Variants in IQSEC1 observed in about 807,000 individuals in gnomAD.
IQSEC1 encodes IQ motif and SEC7 domain-containing protein 1.
IQSEC1 carries 31 observed loss-of-function variants against 91.0 expected under a neutral mutation model. The ratio of observed to expected loss-of-function variants is 0.34; its 90% CI spans 0.26 to 0.46. The LOEUF (loss-of-function observed/expected upper bound fraction) is 0.46. IQSEC1 is among the 20% of genes least tolerant of loss of function. The probability of loss-of-function intolerance (pLI) is 1.00; values close to 1 mark genes in which losing one functional copy is unlikely to be tolerated. For missense variants in IQSEC1, 1,388 were observed against 1,575.6 expected, an observed-to-expected ratio of 0.88 and a Z score of 2.02; for synonymous variants, 699 against 662.6, an observed-to-expected ratio of 1.05 and a Z score of -0.84.
Position 13,214,925 on chromosome 3 carries a change from T to G in IQSEC1, c.273-50792A>C, listed in dbSNP as rs17037899. Among the ~76,000 whole-genome samples, 5,520 of 152,216 alleles carry G rather than the reference T, an allele frequency of 0.036. 166 individuals carry two copies. The highest frequency in any genetic ancestry group is 0.13 in the East Asian group (675 of 5,174). On this transcript the variant is annotated intron_variant, in intron 1 of 15. Transcript: ENST00000648114. This position sits in a 1 kb window ranked among gnomAD's most constrained non-coding sequence, Gnocchi z 4.5. ...ATGAACAGGCACCCGAGTGAACGGA[T>G]GAGTGGAATTTACTGCACCCATAAG...
chr3:13,134,653 T>C (rs1327879713), intron 2 of IQSEC1, among the ~76,000 whole-genome samples: 1 of 151,966 alleles, frequency 6.6e-6, no homozygotes, highest in Non-Finnish European at 1.5e-5. Context: ...GCCCTAGAGG[T>C]GTGTTGCATG....
At chr3:13,120,777 G>A (rs1203047532) in intron 2 of IQSEC1, among the ~76,000 whole-genome samples, 1 of 152,168 alleles carries the variant, frequency 6.6e-6, no homozygotes, top group Non-Finnish European at 1.5e-5. Context: ...CACAGCCTAG[G>A]CATCCTTCAC....
chr3:12,968,292 C>A (rs1383214694), intron 1 of IQSEC1, among the ~76,000 whole-genome samples: 3 of 152,178 alleles, frequency 2.0e-5, no homozygotes, highest in Non-Finnish European at 4.4e-5. Flanking sequence ...TGGTACCACC[C>A]TTTTGGCGGC....
intron 1 of IQSEC1, among the ~76,000 whole-genome samples, chr3:13,045,111 C>T (rs1576209753): frequency 6.6e-6 from 1 of 152,236 alleles, no homozygotes; most frequent in East Asian, 1.9e-4. Flanking sequence ...TGCCTCCTGG[C>T]CACTCCTCCA....
intron 1 of IQSEC1, among the ~76,000 whole-genome samples, chr3:13,202,123 T>C (rs1316154967): frequency 6.6e-6 from 1 of 152,198 alleles, no homozygotes; most frequent in Non-Finnish European, 1.5e-5. Flanking sequence ...TCAGACCCAT[T>C]AGGATGGCTC....
At chr3:13,175,959 T>C (rs1342663402) in intron 1 of IQSEC1, among the ~76,000 whole-genome samples, 1 of 152,218 alleles carries the variant, frequency 6.6e-6, no homozygotes, top group East Asian at 1.9e-4. Context: ...TTACGAATGC[T>C]GGGGGCACAC....
At chr3:13,011,367 C>T (rs1251902480) in intron 1 of IQSEC1, among the ~76,000 whole-genome samples, 2 of 152,226 alleles carry the variant, frequency 1.3e-5, no homozygotes, top group Admixed American at 1.3e-4. Context: ...TCATCACTGA[C>T]ACTCACTGAG....
chr3:13,022,086 G>A (rs1703425251), intron 1 of IQSEC1: 1 of 1,231,848 alleles, frequency 8.1e-7, no homozygotes, highest in Non-Finnish European at 1.0e-6. Flanking sequence ...ACACGGCACT[G>A]CCATACCCCT....
chr3:13,246,642 G>A (rs1307236351), intron 1 of IQSEC1, among the ~76,000 whole-genome samples: 4 of 152,304 alleles, frequency 2.6e-5, no homozygotes, highest in South Asian at 2.1e-4. Flanking sequence ...GTGCTCCAGC[G>A]TCTGAGCTAC....
At chr3:13,025,777 G>C (rs1170794896) in intron 1 of IQSEC1, among the ~76,000 whole-genome samples, 1 of 152,190 alleles carries the variant, frequency 6.6e-6, no homozygotes, top group African/African-American at 2.4e-5. Flanking sequence ...CTCACTGGGG[G>C]TCCGTGCAGC....
At chr3:13,264,105 C>T (rs920158687) in intron 1 of IQSEC1, among the ~76,000 whole-genome samples, 2 of 152,184 alleles carry the variant, frequency 1.3e-5, no homozygotes, top group South Asian at 2.1e-4. Flanking sequence ...AGCCGGACGG[C>T]GCCGGCCAGG....
chr3:13,097,061 C>T (rs943597831), intron 2 of IQSEC1, among the ~76,000 whole-genome samples: 2 of 152,068 alleles, frequency 1.3e-5, no homozygotes, highest in East Asian at 1.9e-4. Context: ...GGGGTTTCAC[C>T]GTGTTAGCCA....
intron 2 of IQSEC1, among the ~76,000 whole-genome samples, chr3:13,102,912 G>A (rs565078544): frequency 3.3e-5 from 5 of 152,168 alleles, no homozygotes; most frequent in Non-Finnish European, 5.9e-5. Context: ...CTGGGAGGTC[G>A]GAAGTTTCCA....
intron 2 of IQSEC1, among the ~76,000 whole-genome samples, chr3:13,133,883 C>T (rs555451043): frequency 6.6e-6 from 1 of 152,234 alleles, no homozygotes; most frequent in South Asian, 2.1e-4. Flanking sequence ...CTATCTTCCC[C>T]ACCACCGGGC....
chr3:12,959,542 G>T (rs1475009885), intron 1 of IQSEC1, among the ~76,000 whole-genome samples: 1 of 152,140 alleles, frequency 6.6e-6, no homozygotes, highest in African/African-American at 2.4e-5. Context: ...ATCCCAAATG[G>T]GTCAGACACC....
chr3:13,034,977 C>T (rs1703982260), intron 1 of IQSEC1, among the ~76,000 whole-genome samples: 1 of 152,254 alleles, frequency 6.6e-6, no homozygotes, highest in Non-Finnish European at 1.5e-5. Flanking sequence ...GAAGCCTGTG[C>T]CCCATGGAAG....
chr3:13,016,721 G>A (rs1461368159), intron 1 of IQSEC1, among the ~76,000 whole-genome samples: 2 of 152,180 alleles, frequency 1.3e-5, no homozygotes, highest in African/African-American at 2.4e-5. Context: ...CACTGCAGAC[G>A]AGTCTTTGTT....
At chr3:13,241,486 G>A (rs1020423236) in intron 1 of IQSEC1, among the ~76,000 whole-genome samples, 4 of 152,196 alleles carry the variant, frequency 2.6e-5, no homozygotes, top group Admixed American at 6.5e-5. Context: ...CAGCTTAGAC[G>A]CTTCACCCAA....
intron 2 of IQSEC1, among the ~76,000 whole-genome samples, chr3:13,110,866 C>A (rs1393321164): frequency 2.6e-5 from 4 of 152,162 alleles, no homozygotes; most frequent in Non-Finnish European, 4.4e-5. Flanking sequence ...AGTAAATGAA[C>A]CCTGTCTTAA....
Sources: allele counts gnomAD v4.1 joint callset (sites outside exome capture counted in the v4.1 genomes callset), GRCh38; gene constraint gnomAD v4.1.1; non-coding constraint Gnocchi (gnomAD v3.1); transcripts MANE v1.5; gene names NCBI Gene and HGNC (gene_info 2026-07-23, HGNC 2026-07-21).